PTPRD: variants seen among roughly 807,000 people sequenced by gnomAD.
PTPRD encodes the protein receptor-type tyrosine-protein phosphatase delta.
A neutral mutation model predicts 214.5 loss-of-function variants in PTPRD; 34 were observed. The ratio of observed to expected loss-of-function variants is 0.16; its 90% CI spans 0.12 to 0.21. The LOEUF (loss-of-function observed/expected upper bound fraction) is 0.21. Ranked by LOEUF, PTPRD falls within the 10% of genes least tolerant of loss-of-function variation. The pLI is 1.00. For synonymous variants in PTPRD, 1,128 were observed against 845.7 expected (o/e 1.33, Z -5.79); for missense variants, 2,545 against 2,398.7 (o/e 1.06, Z -1.27).
chr9:9,277,621 A>ACTATAC (rs1445339797), intron 9 of PTPRD, among the ~76,000 whole-genome samples: 2 of 151,314 alleles, frequency 1.3e-5, no homozygotes, highest in Non-Finnish European at 3.0e-5. Flanking sequence ...TCAAAATAAA[A>ACTATAC]CTATACCTAT....
intron 5 of PTPRD, among the ~76,000 whole-genome samples, chr9:9,922,852 A>C (rs2082967594): frequency 1.3e-5 from 2 of 152,070 alleles, no homozygotes; most frequent in Admixed American, 1.3e-4. Context: ...CTGAAGAGAT[A>C]TGACAACTAA....
At chr9:9,611,731 T>C (rs1190771699) in intron 7 of PTPRD, among the ~76,000 whole-genome samples, 4 of 152,112 alleles carry the variant, frequency 2.6e-5, no homozygotes, top group Non-Finnish European at 1.5e-5. Context: ...ACATGTATAT[T>C]TATTGACTGA....
At chr9:9,283,092 G>C (rs1049548004) in intron 9 of PTPRD, among the ~76,000 whole-genome samples, 1 of 151,288 alleles carries the variant, frequency 6.6e-6, no homozygotes, top group Admixed American at 6.6e-5. Flanking sequence ...TCATGTCATG[G>C]AAGAATACAT....
At chr9:8,580,605 G>C (rs901091567) in intron 14 of PTPRD, among the ~76,000 whole-genome samples, 1 of 152,172 alleles carries the variant, frequency 6.6e-6, no homozygotes, top group Non-Finnish European at 1.5e-5. Context: ...ACTTAAACTT[G>C]AGGTGTTGTA....
At chr9:8,605,978 G>A (rs2095186676) in intron 14 of PTPRD, among the ~76,000 whole-genome samples, 1 of 152,108 alleles carries the variant, frequency 6.6e-6, no homozygotes, top group East Asian at 1.9e-4. Flanking sequence ...CGGGGGTGTC[G>A]AGGGGTGGGG....
chr9:9,376,930 G>A (rs2060951098), intron 9 of PTPRD, among the ~76,000 whole-genome samples: 1 of 151,924 alleles, frequency 6.6e-6, no homozygotes, highest in Admixed American at 6.6e-5. Context: ...TTTGGGCTAG[G>A]AGACCAAATC....
chr9:9,738,802 T>A (rs2098348133), intron 6 of PTPRD, among the ~76,000 whole-genome samples: 1 of 152,134 alleles, frequency 6.6e-6, no homozygotes, highest in Admixed American at 6.6e-5. Flanking sequence ...GATCTCAATA[T>A]TTTATTAGAT....
chr9:8,528,305 C>G, intron 15 of PTPRD: 1 of 469,072 alleles, frequency 2.1e-6, no homozygotes, highest in African/African-American at 2.0e-5. Flanking sequence ...CCATCAAATA[C>G]TGCGAAAAAG....
intron 3 of PTPRD, among the ~76,000 whole-genome samples, chr9:10,154,568 T>C (rs2099081966): frequency 6.6e-6 from 1 of 152,198 alleles, no homozygotes; most frequent in African/African-American, 2.4e-5. Context: ...ATTGCCTAGG[T>C]TGTCTTCCAG....
rs73429642 is a variant in PTPRD at position 8,736,798 on chromosome 9, C to G, written c.-103-2852G>C. On this transcript the variant is annotated intron_variant, in intron 11 of 45. Transcript: ENST00000381196. ...AAGCTGGCCAGCTGTTCCAAATCAG[C>G]TATTGTTATCAATCGCCTCTGAAAA... Among the ~76,000 whole-genome samples the G allele has an allele frequency of 6.6e-3, 1,006 of 151,960 alleles. 15 individuals are homozygous for G. The highest frequency in any genetic ancestry group is 0.023 in the African/African-American group (972 of 41,454).
chr9:10,588,008 C>T (rs1172397432), intron 2 of PTPRD, among the ~76,000 whole-genome samples: 2 of 151,918 alleles, frequency 1.3e-5, no homozygotes, highest in African/African-American at 4.8e-5. Context: ...AAAGATAATT[C>T]CAGTACCAAG....
chr9:8,951,301 A>G (rs2099100810), intron 11 of PTPRD, among the ~76,000 whole-genome samples: 1 of 131,462 alleles, frequency 7.6e-6, no homozygotes, highest in African/African-American at 2.9e-5. Flanking sequence ...CTTCTTAATT[A>G]TTTCTCTGCT....
At position 10,231,989 on chromosome 9, in the gene PTPRD, A is replaced by AGAGAGTGTGT. The variant is rs1245284728; in HGVS notation, c.-545+108973_-545+108974insACACACTCTC. 4.3e-3 allele frequency among the ~76,000 whole-genome samples: 394 copies of AGAGAGTGTGT among 92,452 alleles called. 2 individuals are homozygous for AGAGAGTGTGT. The highest frequency in any genetic ancestry group is 5.9e-3 in the African/African-American group (111 of 18,944). 60.7% of individuals were successfully genotyped at this position (92,452 alleles called of 152,430 possible). ...GAGAGAGAGAGAGAGAGAGAGAGAG[A>AGAGAGTGTGT]GTGTGTGTGTGTGTGTGTGTGTGTG... On this transcript the variant is annotated intron_variant, in intron 3 of 45. Transcript: ENST00000381196.
intron 6 of PTPRD, among the ~76,000 whole-genome samples, chr9:9,747,539 GTTTTTT>G (rs35627464): frequency 3.0e-5 from 4 of 132,860 alleles, no homozygotes; most frequent in African/African-American, 5.7e-5. Flanking sequence ...AATCTTTTTT[GTTTTTT>G]TTTTTTTTTT....
chr9:10,384,781 CCTCCTT>C (rs750235955), intron 2 of PTPRD, among the ~76,000 whole-genome samples: 1 of 135,234 alleles, frequency 7.4e-6, no homozygotes. Flanking sequence ...AAAAAAAAAA[CCTCCTT>C]CTCCATCTTA....
intron 14 of PTPRD, among the ~76,000 whole-genome samples, chr9:8,583,499 A>C (rs1263878169): frequency 1.3e-5 from 2 of 152,024 alleles, no homozygotes; most frequent in Admixed American, 1.3e-4. Flanking sequence ...AATTTATTTA[A>C]AAAAAAAGAA....
intron 3 of PTPRD, among the ~76,000 whole-genome samples, chr9:10,278,059 C>T (rs1329150150): frequency 1.3e-5 from 2 of 151,886 alleles, no homozygotes; most frequent in Non-Finnish European, 2.9e-5. Flanking sequence ...ACTCGGGAGG[C>T]TGAGGCAGGA....
At chr9:8,821,327 T>C (rs1057229458) in intron 11 of PTPRD, among the ~76,000 whole-genome samples, 1 of 152,140 alleles carries the variant, frequency 6.6e-6, no homozygotes, top group African/African-American at 2.4e-5. Context: ...TCATGGCTTC[T>C]TCAGAAGGCA....
chr9:8,746,350 T>C (rs770089433), intron 11 of PTPRD, among the ~76,000 whole-genome samples: 3 of 152,122 alleles, frequency 2.0e-5, no homozygotes, highest in Non-Finnish European at 4.4e-5. Context: ...GATAATAAAG[T>C]ACGAAAATTT....
Sources: gnomAD v4.1 joint callset for allele counts (sites outside exome capture counted in the v4.1 genomes callset) on GRCh38, gnomAD v4.1.1 for gene constraint, MANE v1.5 for transcripts, NCBI Gene and HGNC (gene_info 2026-07-23, HGNC 2026-07-21) for gene names.